FAAH2: variants seen among roughly 807,000 people sequenced by gnomAD.
FAAH2 encodes fatty acid amide hydrolase 2.
Under a neutral mutation model 36.9 loss-of-function variants are expected in FAAH2, and 60 were observed. The ratio of observed to expected loss-of-function variants is 1.63; its 90% CI spans 1.32 to 2.02. The LOEUF is 2.02. FAAH2 is among the 30% of genes most tolerant of loss of function. The probability of loss-of-function intolerance (pLI) is 0.00; values close to 1 mark genes in which losing one functional copy is unlikely to be tolerated. For synonymous variants in FAAH2, 214 were observed against 143.8 expected (o/e 1.49, Z -3.49); for missense variants, 689 against 397.5 (o/e 1.73, Z -6.23).
At chrX:57,385,780 C>T (rs1404295148) in intron 7 of FAAH2, among the ~76,000 whole-genome samples, 3 of 110,562 alleles carry the variant, frequency 2.7e-5, no homozygotes, top group South Asian at 3.9e-4. Flanking sequence ...CGGTGGCGGG[C>T]GCCTGTAGTC....
the FAAH2 span, among the ~76,000 whole-genome samples, chrX:57,211,610 C>G: frequency 1.8e-5 from 2 of 111,860 alleles, no homozygotes; most frequent in African/African-American, 6.5e-5. Context: ...CACCTACTGG[C>G]TGGGAGGTCA....
upstream of FAAH2, among the ~76,000 whole-genome samples, chrX:57,283,465 A>G (rs1194212770): frequency 9.1e-6 from 1 of 110,381 alleles, no homozygotes; most frequent in Non-Finnish European, 1.9e-5. Context: ...ATGTGAGTAA[A>G]GCCCTCAGGA....
the FAAH2 span, among the ~76,000 whole-genome samples, chrX:57,279,066 C>A: frequency 3.6e-5 from 4 of 112,138 alleles, no homozygotes; most frequent in South Asian, 1.1e-3. Context: ...GGATCTAGAA[C>A]TAGAATTGCC....
chrX:57,152,056 G>T, the FAAH2 span, among the ~76,000 whole-genome samples: 2 of 111,928 alleles, frequency 1.8e-5, no homozygotes. Context: ...AGCAGTGGCT[G>T]CAGAACAGCA....
intron 5 of FAAH2, among the ~76,000 whole-genome samples, chrX:57,377,730 T>C (rs1347927497): frequency 3.6e-5 from 4 of 112,223 alleles, no homozygotes; most frequent in Non-Finnish European, 3.8e-5. Flanking sequence ...TAAATTACTT[T>C]GGGTAGTATG....
chrX:57,400,764 C>T (rs1204535199), intron 7 of FAAH2, among the ~76,000 whole-genome samples: 1 of 112,321 alleles, frequency 8.9e-6, no homozygotes, highest in Non-Finnish European at 1.9e-5. Context: ...ATTTAACCTG[C>T]TGTTAGCTGA....
chrX:57,382,483 A>T lies in FAAH2; in HGVS notation c.996+1454A>T, dbSNP rs768584198. ...AATCAAATAGACGCAATAAAAAATTATGAAGGGGATATCACCACCAATCCC... is the reference window on the plus strand; with the variant it reads ...AATCAAATAGACGCAATAAAAAATTTTGAAGGGGATATCACCACCAATCCC... On this transcript the variant is annotated intron_variant, in intron 7 of 10. Transcript: ENST00000374900. 3.6e-5 allele frequency among the ~76,000 whole-genome samples: 4 copies of T among 112,053 alleles called. No individual in the cohort carries two copies. In the South Asian group the frequency reaches 1.5e-3, roughly 42 times the overall value.
At chrX:57,380,875 A>G in intron 6 of FAAH2, 37 bp from the exon 7 acceptor site, 1 of 888,486 alleles carries the variant, frequency 1.1e-6, no homozygotes, top group Non-Finnish European at 1.6e-6. Flanking sequence ...ATATCTAAAT[A>G]ATTTGTTGAT....
the FAAH2 span, among the ~76,000 whole-genome samples, chrX:57,194,987 A>G: frequency 1.8e-5 from 2 of 110,875 alleles, no homozygotes; most frequent in Admixed American, 9.6e-5. Flanking sequence ...GTGTGTATAT[A>G]TCACATTTTC....
chrX:57,468,280 C>G (rs1300799995), intron 10 of FAAH2, among the ~76,000 whole-genome samples: 1 of 111,743 alleles, frequency 8.9e-6, no homozygotes, highest in Admixed American at 9.5e-5. Context: ...AAGAAGGCTT[C>G]AGATGATCAA....
intron 7 of FAAH2, among the ~76,000 whole-genome samples, chrX:57,382,459 A>G (rs775597639): frequency 8.9e-6 from 1 of 111,836 alleles, no homozygotes; most frequent in Non-Finnish European, 1.9e-5. Flanking sequence ...AGAGAGAAGA[A>G]TCAAATAGAC....
chrX:57,288,528 T>G (rs1347756533), intron 1 of FAAH2, among the ~76,000 whole-genome samples: 1 of 107,774 alleles, frequency 9.3e-6, no homozygotes, highest in Non-Finnish European at 1.9e-5. Flanking sequence ...ATTTCGTATT[T>G]TTTAGTAGAG....
chrX:57,239,618 G>A, the FAAH2 span, among the ~76,000 whole-genome samples: 1 of 110,879 alleles, frequency 9.0e-6, no homozygotes, highest in African/African-American at 3.3e-5. Flanking sequence ...TAGACAATAT[G>A]CTTAAATATG....
At chrX:57,207,968 C>T in the FAAH2 span, among the ~76,000 whole-genome samples, 17 of 112,491 alleles carry the variant, frequency 1.5e-4, no homozygotes, top group Admixed American at 1.5e-3. Flanking sequence ...TGGCATTTCC[C>T]GAATTTAAAA....
At chrX:57,468,897 C>T (rs752536708) in intron 10 of FAAH2, among the ~76,000 whole-genome samples, 71 of 112,228 alleles carry the variant, frequency 6.3e-4, no homozygotes, top group Admixed American at 2.0e-3. Context: ...AACAGCGGAT[C>T]TCTCAGCAGA....
chrX:57,210,036 T>G, the FAAH2 span, among the ~76,000 whole-genome samples: 1 of 110,585 alleles, frequency 9.0e-6, no homozygotes, highest in African/African-American at 3.3e-5. Flanking sequence ...ATGCTGCCCC[T>G]GCCAGGGGTG....
At chrX:57,216,610 GTATATATATATACGTATA>G in the FAAH2 span, among the ~76,000 whole-genome samples, 147 of 8,668 alleles carry the variant, frequency 0.017, 11 homozygotes, top group Middle Eastern at 0.25. Flanking sequence ...ATATATATAC[GTATATATATATACGTATA>G]TATATATACG....
At chrX:57,357,713 T>C (rs1043290131) in intron 5 of FAAH2, among the ~76,000 whole-genome samples, 2 of 111,336 alleles carry the variant, frequency 1.8e-5, no homozygotes, top group Non-Finnish European at 3.8e-5. Flanking sequence ...TGTGGAGAAA[T>C]AGGAATGCTT....
At chrX:57,184,629 A>G in the FAAH2 span, among the ~76,000 whole-genome samples, 1 of 112,826 alleles carries the variant, frequency 8.9e-6, no homozygotes, top group Admixed American at 9.4e-5. Flanking sequence ...GAACAGTAAA[A>G]GTTCCAAAAG....
Sources: allele counts gnomAD v4.1 joint callset (sites outside exome capture counted in the v4.1 genomes callset), GRCh38; gene constraint gnomAD v4.1.1; transcripts MANE v1.5; gene names NCBI Gene and HGNC (gene_info 2026-07-23, HGNC 2026-07-21).